Variants in TMEM209 observed in about 807,000 individuals in gnomAD.
TMEM209 encodes testicular tissue protein Li 202.
TMEM209 carries 65 observed loss-of-function variants against 76.2 expected under a neutral mutation model. The observed-to-expected ratio is 0.85, with a 90% CI of 0.70 to 1.05. The LOEUF (loss-of-function observed/expected upper bound fraction) is 1.05. Ranked by LOEUF, TMEM209 falls within the 50% of genes least tolerant of loss-of-function variation. The pLI, the probability that TMEM209 is intolerant of heterozygous loss-of-function variation, is 0.00. For synonymous variants in TMEM209, 239 were observed against 237.6 expected, an observed-to-expected ratio of 1.01 and a Z score of -0.06; for missense variants, 623 against 685.5, an observed-to-expected ratio of 0.91 and a Z score of 1.02.
rs1028030502 is a variant in TMEM209, at chr7:130,202,368, T to C, written c.331+164A>G. 1.3e-5 allele frequency among the ~76,000 whole-genome samples: 2 copies of C among 152,272 alleles called. 1 individual carries two copies. Among genetic ancestry groups the C allele is most frequent in the Admixed American group, 1.3e-4 (2 of 15,290 alleles). ...AACTTCCATGAAATAGCTGAATGTA[T>C]ACAAGTAGGAATGATAATCATTGGT... On this transcript the variant is annotated intron_variant, in intron 4 of 14. Coordinates refer to ENST00000397622, the MANE Select transcript of TMEM209 (RefSeq NM_032842.4).
intron 6 of TMEM209, among the ~76,000 whole-genome samples, chr7:130,186,980 C>T (rs1362468463): frequency 1.3e-5 from 2 of 152,166 alleles, no homozygotes; most frequent in African/African-American, 4.8e-5. Flanking sequence ...CGGTGGCTCA[C>T]GCCTGTAATC....
chr7:130,192,594 T>C (rs1375794687), intron 6 of TMEM209, 28 bp downstream of exon 6: 11 of 1,590,456 alleles, frequency 6.9e-6, no homozygotes, highest in East Asian at 2.2e-5. Context: ...AAAATATGTA[T>C]AGTAGATATA....
chr7:130,165,711 A>AG lies in TMEM209; in HGVS notation c.*739_*740insC, dbSNP rs1584658805. ...GCTGGGGAAACATTAAAAAAAAAAA[A>AG]AAAAAAACTAAATCAGCAATTTTCT... On this transcript the variant is annotated 3_prime_UTR_variant, in exon 15 of 15. Coordinates refer to ENST00000397622, the MANE Select transcript of TMEM209 (RefSeq NM_032842.4). The AG allele has an allele frequency of 2.0e-5, 3 of 151,722 alleles. No homozygotes were observed. Among genetic ancestry groups the AG allele is most frequent in the East Asian group, 3.9e-4 (2 of 5,170 alleles). 9.4% of individuals were successfully genotyped at this position (151,722 alleles called of 1,614,324 possible). A position where few individuals can be genotyped will look rare whatever the true frequency, so the allele number is the denominator to read the frequency against.
At chr7:130,175,684 T>TA (rs1797212358) in intron 10 of TMEM209, 75 bp from the exon 11 acceptor site, 1 of 1,134,052 alleles carries the variant, frequency 8.8e-7, no homozygotes. Flanking sequence ...TAAGGGAATA[T>TA]AATAAGGGAA....
intron 10 of TMEM209, 62 bp downstream of exon 10, chr7:130,178,340 A>C: frequency 6.8e-7 from 1 of 1,461,628 alleles, no homozygotes. Flanking sequence ...GTTAATCTTC[A>C]CTGATAAAAT....
chr7:130,180,424 C>T (rs1797373218), intron 9 of TMEM209, among the ~76,000 whole-genome samples: 1 of 151,982 alleles, frequency 6.6e-6, no homozygotes, highest in Non-Finnish European at 1.5e-5. Flanking sequence ...CGCTCTTGCC[C>T]CCCAGACGAT....
At chr7:130,191,006 A>T (rs1797777699) in intron 6 of TMEM209, among the ~76,000 whole-genome samples, 1 of 151,880 alleles carries the variant, frequency 6.6e-6, no homozygotes, top group African/African-American at 2.4e-5. Context: ...TTTGATGGGG[A>T]CCAAATAACT....
intron 11 of TMEM209, among the ~76,000 whole-genome samples, chr7:130,174,405 G>A (rs942637648): frequency 4.6e-5 from 7 of 152,156 alleles, no homozygotes; most frequent in African/African-American, 1.7e-4. Flanking sequence ...GGTAGGGGTG[G>A]AGGGTGGGGC....
rs1486039966 is a variant in TMEM209 at position 130,175,501 on chromosome 7, T to C, written c.1344+11A>G. ...AAATAAATAAATGAATGAAAGAATCTAGGGGCTTACAGCAGAATCGGTGGG... is the reference window on the plus strand; with the variant it reads ...AAATAAATAAATGAATGAAAGAATCCAGGGGCTTACAGCAGAATCGGTGGG... On this transcript the variant is annotated intron_variant, in intron 11 of 14. Transcript: ENST00000397622. 2 of 1,607,400 alleles carry C rather than the reference T, an allele frequency of 1.2e-6. No individual in the cohort carries two copies. The highest frequency in any genetic ancestry group is 2.2e-5 in the East Asian group (1 of 44,808).
intron 3 of TMEM209, 74 bp downstream of exon 3, chr7:130,203,714 A>G: frequency 7.8e-7 from 1 of 1,277,514 alleles, no homozygotes; most frequent in Non-Finnish European, 1.1e-6. Context: ...AAGGAAATGT[A>G]TACTAAGCTG....
intron 9 of TMEM209, among the ~76,000 whole-genome samples, chr7:130,180,661 G>A (rs1405597692): frequency 6.6e-6 from 1 of 152,012 alleles, no homozygotes; most frequent in Non-Finnish European, 1.5e-5. Context: ...GAGCCACCGC[G>A]CCCGGCCAAA....
chr7:130,205,034 T>TGGGATTTATAATTCCTC (rs1798391164), intron 1 of TMEM209: 1 of 1,273,784 alleles, frequency 7.9e-7, no homozygotes, highest in African/African-American at 1.5e-5. Flanking sequence ...GGTCCACATT[T>TGGGATTTATAATTCCTC]GGGATTTATA....
At position 130,192,762 on chromosome 7, in the gene TMEM209, C is replaced by A. The variant is rs1335117253; in HGVS notation, c.635G>T (p.Ser212Ile). ...PYPTTVGPVE[S>I]SGLRSRYRSS... Reference sequence around the variant, plus strand: ...ACGGTAGCGAGATCTCAATCCACTGCTCTCCACTGGTCCAACAGTGGTAGG... The same window carrying A: ...ACGGTAGCGAGATCTCAATCCACTGATCTCCACTGGTCCAACAGTGGTAGG... The change falls in exon 6 of 15, where the codon AGC (serine) becomes ATC (isoleucine). Residue 212 changes from serine to isoleucine, a missense_variant. Ser to Ile is a moderately radical substitution (Grantham distance 142). Transcript: ENST00000397622. 3 of 1,613,844 alleles carry A rather than the reference C, an allele frequency of 1.9e-6. No homozygotes were observed. Among genetic ancestry groups the A allele is most frequent in the Non-Finnish European group, 2.5e-6 (3 of 1,179,870 alleles).
intron 13 of TMEM209, 141 bp from the exon 14 acceptor site, chr7:130,170,614 G>C (rs1797036772): frequency 1.5e-6 from 1 of 684,218 alleles, no homozygotes; most frequent in African/African-American, 1.8e-5. Flanking sequence ...ATTAAACAAA[G>C]TACCTACGCT....
intron 5 of TMEM209, 38 bp from the exon 6 acceptor site, chr7:130,192,861 A>T: frequency 5.7e-6 from 9 of 1,581,144 alleles, no homozygotes; most frequent in Non-Finnish European, 7.8e-6. Flanking sequence ...ATTTTTCTTT[A>T]ATTGAAATTC....
chr7:130,173,825 C>T lies in TMEM209; in HGVS notation c.1459G>A (p.Asp487Asn), dbSNP rs2116976833. The T allele has an allele frequency of 1.2e-6, 2 of 1,613,072 alleles. No homozygotes were observed. Among genetic ancestry groups the T allele is most frequent in the East Asian group, 2.2e-5 (1 of 44,856 alleles). Residue 487 changes from aspartate to asparagine, a missense_variant and splice_region_variant, in exon 12 of 15, where the codon GAT (aspartate) becomes AAT (asparagine). Transcript: ENST00000397622. Reference sequence around the variant, plus strand: ...ACATTCTTTTAGGAGAGGTTTATACCTGGTTTATTTGGTGTCTGAACAAAG... The same window carrying T: ...ACATTCTTTTAGGAGAGGTTTATACTTGGTTTATTTGGTGTCTGAACAAAG... The part of the protein sequence containing the change: ...QHFVQTPNKP[D>N]VTNENVFCIY...
intron 6 of TMEM209, among the ~76,000 whole-genome samples, chr7:130,186,608 AC>A (rs1797606548): frequency 6.6e-6 from 1 of 152,254 alleles, no homozygotes; most frequent in Non-Finnish European, 1.5e-5. Context: ...ACTTTAAGAA[AC>A]GTAAGTTTTC....
rs747877800 is a variant in TMEM209, at chr7:130,170,486, CAAA to C, written c.1558-16_1558-14del. ...TATTATTTCTGCCCTGGAACAAAGA[CAAA>C]AAAGACAAGATTTAAACCAAATGAA... On this transcript the variant is annotated splice_polypyrimidine_tract_variant and intron_variant, in intron 13 of 14. Transcript: ENST00000397622. 3.1e-6 allele frequency: 5 copies of C among 1,599,038 alleles called. 1 individual carries two copies. In the South Asian group the frequency reaches 5.6e-5, roughly 18 times the overall value.
chr7:130,195,438 C>CTA (rs893622565), intron 5 of TMEM209, among the ~76,000 whole-genome samples: 2 of 151,914 alleles, frequency 1.3e-5, no homozygotes, highest in Non-Finnish European at 2.9e-5. Flanking sequence ...TGACTGTAAG[C>CTA]TATTGATTTT....
Sources: gnomAD v4.1 joint callset for allele counts (sites outside exome capture counted in the v4.1 genomes callset) on GRCh38, gnomAD v4.1.1 for gene constraint, MANE v1.5 for transcripts, NCBI Gene and HGNC (gene_info 2026-07-23, HGNC 2026-07-21) for gene names.